The following SLA2 variants were observed in gnomAD, a reference collection of about 807,000 sequenced individuals.
SLA2 encodes the protein Src like adaptor 2.
Under a neutral mutation model 27.3 loss-of-function variants are expected in SLA2, and 22 were observed. The observed-to-expected ratio is 0.81, with a 90% CI of 0.58 to 1.15. The LOEUF (loss-of-function observed/expected upper bound fraction) is 1.15. Ranked by LOEUF, SLA2 falls within the 50% of genes most tolerant of loss-of-function variation. The pLI, the probability that SLA2 is intolerant of heterozygous loss-of-function variation, is 0.00. For missense variants in SLA2, 304 were observed against 322.2 expected (o/e 0.94, Z 0.43); for synonymous variants, 131 against 137.8 (o/e 0.95, Z 0.34).
At chr20:36,645,262 G>C in intron 1 of SLA2, among the ~76,000 whole-genome samples, 1 of 150,658 alleles carries the variant, frequency 6.6e-6, no homozygotes, top group East Asian at 2.0e-4. Context: ...AGCTACTTGG[G>C]AGGCTAAGGC....
intron 7 of SLA2, 40 bp downstream of exon 7, chr20:36,614,265 T>A (rs1441192922): frequency 1.2e-6 from 2 of 1,613,986 alleles, no homozygotes; most frequent in Admixed American, 3.3e-5. Flanking sequence ...CTTCTAACTC[T>A]TGGTCCTGCT....
rs1314831701 is a variant in SLA2, at chr20:36,637,226, G to A, written c.92-2637C>T. Among the ~76,000 whole-genome samples the A allele has an allele frequency of 1.3e-4, 18 of 135,254 alleles. No homozygotes were observed. The East Asian group carries it at 2.8e-3, about 21-fold the overall frequency. 88.7% of individuals were successfully genotyped at this position (135,254 alleles called of 152,430 possible). A position where few individuals can be genotyped will look rare whatever the true frequency, so the allele number is the denominator to read the frequency against. The stretch of plus-strand genomic sequence containing the variant: ...TTTTTTTTTTTTTTTTTTTGGAGAC[G>A]GAGTCTCGCTCTGTCGCCCAGGCTG... On this transcript the variant is annotated intron_variant, in intron 2 of 7. Transcript: ENST00000262866.
intron 5 of SLA2, among the ~76,000 whole-genome samples, chr20:36,624,689 C>T (rs1381232005): frequency 6.6e-6 from 1 of 152,198 alleles, no homozygotes; most frequent in Non-Finnish European, 1.5e-5. Context: ...TCTGTGAGCA[C>T]AGATGGTGTT....
chr20:36,615,480 A>C, intron 5 of SLA2, 106 bp from the exon 6 acceptor site: 3 of 1,303,008 alleles, frequency 2.3e-6, no homozygotes, highest in African/African-American at 2.9e-5. Context: ...CCCCGGCAGA[A>C]GGGAAGTGTC....
intron 2 of SLA2, among the ~76,000 whole-genome samples, chr20:36,637,143 T>C (rs1401388984): frequency 1.3e-5 from 2 of 150,542 alleles, no homozygotes; most frequent in East Asian, 2.0e-4. Context: ...AGAAGTGAGG[T>C]GACCCTTGTT....
chr20:36,639,451 A>C (rs2147996475), intron 2 of SLA2, among the ~76,000 whole-genome samples: 1 of 152,132 alleles, frequency 6.6e-6, no homozygotes, highest in South Asian at 2.1e-4. Context: ...TCTCTGGAGA[A>C]CCCTAATATA....
At chr20:36,642,119 G>C (rs2039512547) in intron 1 of SLA2, among the ~76,000 whole-genome samples, 1 of 35,950 alleles carries the variant, frequency 2.8e-5, no homozygotes, top group African/African-American at 1.2e-4. Context: ...AATGAGCCAA[G>C]ATCAAGTCAC....
chr20:36,614,885 A>G (rs920699829), intron 6 of SLA2: 1 of 985,246 alleles, frequency 1.0e-6, no homozygotes, highest in African/African-American at 1.7e-5. Flanking sequence ...GGAAGTACTA[A>G]GGAGAGTCAG....
intron 4 of SLA2, 142 bp downstream of exon 4, chr20:36,633,401 T>A: frequency 2.8e-6 from 2 of 702,790 alleles, no homozygotes; most frequent in Non-Finnish European, 5.1e-6. Context: ...GGATGAGCTG[T>A]CTGCCCCTCT....
chr20:36,618,647 TG>T (rs1238420554), intron 5 of SLA2, among the ~76,000 whole-genome samples: 2 of 152,008 alleles, frequency 1.3e-5, no homozygotes, highest in African/African-American at 4.8e-5. Flanking sequence ...GGCTCAAGCC[TG>T]TAATCCCAGC....
intron 5 of SLA2, among the ~76,000 whole-genome samples, chr20:36,632,182 G>C (rs1031054481): frequency 9.9e-5 from 15 of 152,102 alleles, no homozygotes; most frequent in African/African-American, 3.4e-4. Context: ...GGCATCCAAG[G>C]CCTCTGTGCT....
At chr20:36,640,303 A>T (rs564544663) in intron 2 of SLA2, among the ~76,000 whole-genome samples, 4 of 152,024 alleles carry the variant, frequency 2.6e-5, no homozygotes, top group Non-Finnish European at 5.9e-5. Context: ...TGTATTAAAA[A>T]ATATATATAT....
chr20:36,636,623 A>AAAAAAAATATATATATATAT (rs1387991352), intron 2 of SLA2, among the ~76,000 whole-genome samples: 1 of 114,712 alleles, frequency 8.7e-6, no homozygotes, highest in Non-Finnish European at 1.6e-5. Context: ...AAAAAAAAAA[A>AAAAAAAATATATATATATAT]ATATATATAT....
chr20:36,625,519 C>T (rs916421651), intron 5 of SLA2, among the ~76,000 whole-genome samples: 7 of 151,896 alleles, frequency 4.6e-5, no homozygotes, highest in South Asian at 2.1e-4. Flanking sequence ...CCACTGTGCC[C>T]GGCCATGATT....
Position 36,612,451 on chromosome 20 carries a change from A to G in SLA2, c.*1415T>C, listed in dbSNP as rs376471373. 3.4e-6 allele frequency: 2 copies of G among 582,498 alleles called. No homozygotes were observed. Among genetic ancestry groups the G allele is most frequent in the East Asian group, 2.9e-5 (1 of 34,150 alleles). The allele number at this position is 582,498 out of a possible 1,614,324, so 36.1% of individuals were successfully genotyped here. ...GGCATTTCAAGTCTTCTGAAACAGCATGGCTGTATGTGCGTGGTCCATAGC... is the reference window on the plus strand; with the variant it reads ...GGCATTTCAAGTCTTCTGAAACAGCGTGGCTGTATGTGCGTGGTCCATAGC... On this transcript the variant is annotated 3_prime_UTR_variant, in exon 8 of 8. Transcript: ENST00000262866.
intron 5 of SLA2, among the ~76,000 whole-genome samples, chr20:36,630,707 G>T (rs1007598519): frequency 2.3e-4 from 35 of 152,312 alleles, no homozygotes; most frequent in African/African-American, 7.2e-4. Context: ...ACATAAACGT[G>T]GGGGCTGCTG....
At chr20:36,638,049 G>A (rs774405249) in intron 2 of SLA2, among the ~76,000 whole-genome samples, 7 of 151,570 alleles carry the variant, frequency 4.6e-5, no homozygotes, top group Non-Finnish European at 8.8e-5. Flanking sequence ...CCACCACCAC[G>A]CCCAGCTAAT....
intron 5 of SLA2, among the ~76,000 whole-genome samples, chr20:36,623,160 TC>T (rs1334420908): frequency 6.7e-6 from 1 of 149,832 alleles, no homozygotes; most frequent in African/African-American, 2.5e-5. Context: ...TCTCAGGTAC[TC>T]CAGAGGCTGA....
At chr20:36,616,583 T>G (rs1217411004) in intron 5 of SLA2, among the ~76,000 whole-genome samples, 1 of 152,152 alleles carries the variant, frequency 6.6e-6, no homozygotes, top group Non-Finnish European at 1.5e-5. Context: ...TCCGCCTGCC[T>G]CAGCCTCCCA....
Sources: gnomAD v4.1 joint callset for allele counts (sites outside exome capture counted in the v4.1 genomes callset) on GRCh38, gnomAD v4.1.1 for gene constraint, MANE v1.5 for transcripts, NCBI Gene and HGNC (gene_info 2026-07-23, HGNC 2026-07-21) for gene names.